Variants in PCDH9 observed in about 807,000 individuals in gnomAD.
The protein encoded by PCDH9 is protocadherin-9.
PCDH9 carries 24 observed loss-of-function variants against 70.6 expected under a neutral mutation model. The observed-to-expected ratio is 0.34, with a 90% CI of 0.25 to 0.48. The LOEUF (loss-of-function observed/expected upper bound fraction) is 0.48, where lower values mean the gene tolerates loss of function less well. PCDH9 is among the 20% of genes least tolerant of loss of function. The probability of loss-of-function intolerance (pLI) is 0.99; values close to 1 mark genes in which losing one functional copy is unlikely to be tolerated. For missense variants in PCDH9, 1,281 were observed against 1,503.6 expected, an observed-to-expected ratio of 0.85 and a Z score of 2.45; for synonymous variants, 562 against 558.5, an observed-to-expected ratio of 1.01 and a Z score of -0.09.
At position 66,775,649 on chromosome 13, in the gene PCDH9, A is replaced by G. The variant is rs143016256; in HGVS notation, c.3138+127855T>C. ...TATACTCCTCCTTGTGATTTTCTTA[A>G]TAACACTTACTTTTATCTAGCTTAC... On this transcript the variant is annotated intron_variant, in intron 3 of 4. Transcript: ENST00000377865. Among the ~76,000 whole-genome samples, 9 of 152,330 alleles carry G rather than the reference A, an allele frequency of 5.9e-5. No homozygotes were observed. The East Asian group carries it at 1.5e-3, about 26-fold the overall frequency.
intron 2 of PCDH9, among the ~76,000 whole-genome samples, chr13:67,113,869 A>T (rs2138278776): frequency 6.6e-6 from 1 of 152,284 alleles, no homozygotes; most frequent in East Asian, 1.9e-4. Context: ...TCACACTGAG[A>T]AATGCAATCA....
intron 2 of PCDH9, among the ~76,000 whole-genome samples, chr13:67,012,746 C>T (rs572416986): frequency 1.4e-4 from 22 of 151,992 alleles, no homozygotes; most frequent in Non-Finnish European, 1.6e-4. Context: ...AAATAGTTAA[C>T]GCTAAAACAC....
chr13:67,082,391 G>A (rs1228348233), intron 2 of PCDH9, among the ~76,000 whole-genome samples: 1 of 152,164 alleles, frequency 6.6e-6, no homozygotes, highest in Non-Finnish European at 1.5e-5. Context: ...ATGTCTTCCA[G>A]ATTAAAGGCT....
intron 4 of PCDH9, among the ~76,000 whole-genome samples, chr13:66,464,773 A>G (rs1958488313): frequency 1.3e-5 from 2 of 152,046 alleles, no homozygotes; most frequent in Middle Eastern, 6.8e-3. Context: ...ACTTTTATGA[A>G]AAGGAGAATT....
At chr13:66,685,688 C>G (rs2078391329) in intron 3 of PCDH9, among the ~76,000 whole-genome samples, 1 of 152,192 alleles carries the variant, frequency 6.6e-6, no homozygotes, top group South Asian at 2.1e-4. Flanking sequence ...GGGCTATACC[C>G]TACAAAATCA....
chr13:66,447,296 A>T (rs1169433541), intron 4 of PCDH9, among the ~76,000 whole-genome samples: 1 of 152,072 alleles, frequency 6.6e-6, no homozygotes, highest in African/African-American at 2.4e-5. Flanking sequence ...CATGTGTATT[A>T]AGAGTTAACA....
Position 66,547,942 on chromosome 13 carries a change from A to C in PCDH9, c.3340+83268T>G, listed in dbSNP as rs143326845. On this transcript the variant is annotated intron_variant, in intron 4 of 4. Coordinates refer to ENST00000377865, the MANE Select transcript of PCDH9 (RefSeq NM_203487.3). ...AATCATATTATATAATAATATATAT[A>C]TTTAATTATAAAATAGTAAACTTAA... Among the ~76,000 whole-genome samples the C allele has an allele frequency of 4.1e-3, 610 of 147,812 alleles. 7 individuals are homozygous for C. Among genetic ancestry groups the C allele is most frequent in the African/African-American group, 0.014 (587 of 40,762 alleles).
At chr13:67,041,544 G>A (rs2085113949) in intron 2 of PCDH9, among the ~76,000 whole-genome samples, 1 of 152,060 alleles carries the variant, frequency 6.6e-6, no homozygotes, top group African/African-American at 2.4e-5. Context: ...GACTGTACCT[G>A]TCTATGGCCA....
At chr13:66,410,379 A>G (rs910137361) in intron 4 of PCDH9, among the ~76,000 whole-genome samples, 10 of 152,204 alleles carry the variant, frequency 6.6e-5, no homozygotes, top group African/African-American at 2.4e-4. Context: ...TTCATATACA[A>G]CTAATGAACA....
At chr13:67,151,909 T>C (rs1334586702) in intron 2 of PCDH9, among the ~76,000 whole-genome samples, 1 of 152,062 alleles carries the variant, frequency 6.6e-6, no homozygotes, top group Non-Finnish European at 1.5e-5. Flanking sequence ...CCTTGCATCA[T>C]CATTTTGCCT....
intron 3 of PCDH9, among the ~76,000 whole-genome samples, chr13:66,663,905 A>G (rs1252657099): frequency 6.6e-6 from 1 of 152,180 alleles, no homozygotes; most frequent in African/African-American, 2.4e-5. Context: ...TGCACCCCAC[A>G]GTGCTCATTC....
chr13:66,868,411 T>C (rs2081612741), intron 3 of PCDH9, among the ~76,000 whole-genome samples: 1 of 152,070 alleles, frequency 6.6e-6, no homozygotes, highest in Admixed American at 6.5e-5. Flanking sequence ...GAATCATTTA[T>C]AATCATTGGC....
intron 4 of PCDH9, among the ~76,000 whole-genome samples, chr13:66,564,918 T>C (rs565569041): frequency 6.6e-6 from 1 of 152,082 alleles, no homozygotes; most frequent in East Asian, 1.9e-4. Flanking sequence ...CATAAATCAA[T>C]GGAAGGGTTA....
At chr13:66,966,178 A>G (rs2083432087) in intron 2 of PCDH9, among the ~76,000 whole-genome samples, 1 of 152,180 alleles carries the variant, frequency 6.6e-6, no homozygotes, top group African/African-American at 2.4e-5. Context: ...AACTCAGTAC[A>G]CACAAAATCT....
intron 3 of PCDH9, among the ~76,000 whole-genome samples, chr13:66,655,279 A>G (rs1040559404): frequency 6.6e-6 from 1 of 152,144 alleles, no homozygotes; most frequent in African/African-American, 2.4e-5. Context: ...CATGGGTAAA[A>G]TAAAATAAGG....
chr13:66,837,068 T>C (rs939127222), intron 3 of PCDH9, among the ~76,000 whole-genome samples: 4 of 152,200 alleles, frequency 2.6e-5, no homozygotes, highest in East Asian at 1.9e-4. Flanking sequence ...AGGATTTCCT[T>C]GGCATATGTT....
At chr13:66,860,471 G>T (rs951180093) in intron 3 of PCDH9, among the ~76,000 whole-genome samples, 1 of 152,182 alleles carries the variant, frequency 6.6e-6, no homozygotes. Flanking sequence ...GGAGGCTCCC[G>T]TCAGTGCCAC....
chr13:66,802,862 A>C (rs1217965758), intron 3 of PCDH9, among the ~76,000 whole-genome samples: 5 of 152,126 alleles, frequency 3.3e-5, no homozygotes, highest in Non-Finnish European at 7.4e-5. Context: ...CAGTGGGGTC[A>C]GCAGCACTCT....
chr13:66,883,525 C>T (rs2081956208), intron 3 of PCDH9, among the ~76,000 whole-genome samples: 1 of 152,154 alleles, frequency 6.6e-6, no homozygotes, highest in Admixed American at 6.5e-5. Context: ...ACATTGTGTT[C>T]CATGGACTAC....
Sources: gnomAD v4.1 joint callset for allele counts (sites outside exome capture counted in the v4.1 genomes callset) on GRCh38, gnomAD v4.1.1 for gene constraint, MANE v1.5 for transcripts, NCBI Gene and HGNC (gene_info 2026-07-23, HGNC 2026-07-21) for gene names.